CERS2: variants seen among roughly 807,000 people sequenced by gnomAD.
CERS2 encodes the protein LAG1 homolog, ceramide synthase 2.
In CERS2, 20 loss-of-function variants were observed where a neutral mutation model predicts 56.6. The observed-to-expected ratio is 0.35, with a 90% CI of 0.25 to 0.51. The LOEUF (loss-of-function observed/expected upper bound fraction) is 0.51. Ranked by LOEUF, CERS2 falls within the 20% of genes least tolerant of loss-of-function variation. The pLI is 0.96. For missense variants in CERS2, 361 were observed against 488.6 expected (o/e 0.74, Z 2.46); for synonymous variants, 187 against 175.4 (o/e 1.07, Z -0.52).
intron 1 of CERS2, among the ~76,000 whole-genome samples, chr1:150,973,683 C>T (rs1331843147): frequency 6.6e-6 from 1 of 152,248 alleles, no homozygotes; most frequent in Middle Eastern, 3.2e-3. Flanking sequence ...CCGCCACCCA[C>T]CCCTGCCCCA....
chr1:150,969,957 G>A (rs960552989), intron 1 of CERS2, among the ~76,000 whole-genome samples: 8 of 152,160 alleles, frequency 5.3e-5, no homozygotes. Flanking sequence ...AGGCTGGGCA[G>A]TAGCTCACGC....
intron 1 of CERS2, among the ~76,000 whole-genome samples, chr1:150,969,916 A>G (rs965681343): frequency 6.6e-6 from 1 of 152,172 alleles, no homozygotes; most frequent in Admixed American, 6.5e-5. Flanking sequence ...TCTGAGTAGC[A>G]AGTCCCTAAA....
Position 150,968,071 on chromosome 1 carries a change from A to G in CERS2, c.410+12T>C. The G allele has an allele frequency of 6.2e-7, 1 of 1,607,618 alleles. No individual in the cohort carries two copies. The highest frequency in any genetic ancestry group is 8.5e-7 in the Non-Finnish European group (1 of 1,177,764). ...TTCCTTGTCACCCAGCTTCTGCCCC[A>G]GCCTCCCCCACCTGGCTTCTCGGAA... On this transcript the variant is annotated intron_variant, in intron 4 of 10. Coordinates refer to ENST00000368954, the MANE Select transcript of CERS2 (RefSeq NM_022075.5).
At chr1:150,970,409 G>T (rs960498038) in intron 1 of CERS2, among the ~76,000 whole-genome samples, 1 of 152,158 alleles carries the variant, frequency 6.6e-6, no homozygotes, top group Admixed American at 6.5e-5. Context: ...AAAGAAAAGT[G>T]AAGGTAGGGC....
At chr1:150,972,055 T>C in intron 1 of CERS2, 1 of 387,612 alleles carries the variant, frequency 2.6e-6, no homozygotes, top group East Asian at 7.2e-5. Context: ...GAATGTCTCA[T>C]GCCTGCAAAA....
chr1:150,969,368 G>C (rs1358871436), intron 1 of CERS2: 5 of 363,694 alleles, frequency 1.4e-5, no homozygotes, highest in African/African-American at 6.2e-5. Flanking sequence ...GAGGTCAGGA[G>C]TTCGAGACCA....
intron 7 of CERS2, 72 bp downstream of exon 7, chr1:150,967,320 T>C: frequency 1.4e-6 from 2 of 1,428,782 alleles, no homozygotes; most frequent in Non-Finnish European, 2.0e-6. Flanking sequence ...TACCCAGAAG[T>C]CAAAGGAGAG....
Position 150,967,895 on chromosome 1 carries a change from A to G in CERS2, c.411-18T>C. ...ATCTCCAGCTGGCAGAGGAAGCAGA[A>G]ATGGCTAGGTCAGAGGATAGCACAG... On this transcript the variant is annotated intron_variant, in intron 4 of 10. Coordinates refer to ENST00000368954, the MANE Select transcript of CERS2 (RefSeq NM_022075.5). The G allele has an allele frequency of 3.7e-6, 6 of 1,604,232 alleles. No homozygotes were observed. The highest frequency in any genetic ancestry group is 5.1e-6 in the Non-Finnish European group (6 of 1,171,414).
intron 1 of CERS2, among the ~76,000 whole-genome samples, chr1:150,971,057 G>C (rs1269172475): frequency 6.6e-6 from 1 of 152,192 alleles, no homozygotes; most frequent in Non-Finnish European, 1.5e-5. Flanking sequence ...GATGGTCCAG[G>C]AGAGCCAGGG....
Position 150,965,957 on chromosome 1 carries a change from C to G in CERS2, c.*191G>C. 1 of 573,878 alleles carries G rather than the reference C, an allele frequency of 1.7e-6. No homozygotes were observed. The highest frequency in any genetic ancestry group is 3.0e-6 in the Non-Finnish European group (1 of 336,412). The allele number at this position is 573,878 out of a possible 1,614,324, so 35.5% of individuals were successfully genotyped here. A position where few individuals can be genotyped will look rare whatever the true frequency, so the allele number is the denominator to read the frequency against. On this transcript the variant is annotated 3_prime_UTR_variant, in exon 11 of 11. Coordinates refer to ENST00000368954, the MANE Select transcript of CERS2 (RefSeq NM_022075.5). ...CCTCTAACAGAATATAACCAACGTC[C>G]CCCTACCTGGGGATAGGCTGGTTAG...
intron 8 of CERS2, 31 bp from the exon 9 acceptor site, chr1:150,966,893 G>A: frequency 6.5e-7 from 1 of 1,534,468 alleles, no homozygotes; most frequent in Non-Finnish European, 9.0e-7. Flanking sequence ...CATCATCATG[G>A]GCTCCTGACT....
At chr1:150,967,531 C>T (rs1377533250) in intron 6 of CERS2, 47 bp from the exon 7 acceptor site, 2 of 1,393,748 alleles carry the variant, frequency 1.4e-6, no homozygotes, top group Non-Finnish European at 2.0e-6. Flanking sequence ...AAGGGTGTCC[C>T]CACTCCACAA....
At position 150,967,474 on chromosome 1, in the gene CERS2, G is replaced by A. The variant is rs1671055722; in HGVS notation, c.530C>T (p.Pro177Leu). The A allele has an allele frequency of 6.3e-7, 1 of 1,584,428 alleles. No homozygotes were observed. Among genetic ancestry groups the A allele is most frequent in the African/African-American group, 1.3e-5 (1 of 74,354 alleles). ...AATCATGTAGTACCAATACTGGGAA[G>A]GGATAGTGCTCTGGGAGAGGAGAGA... ...WEGYPIQSTI[P>L]SQYWYYMIEL... Residue 177 changes from proline (P) to leucine (L), a missense_variant, in exon 7 of 11, where the codon CCT (proline) becomes CTT (leucine). Coordinates refer to ENST00000368954, the MANE Select transcript of CERS2 (RefSeq NM_022075.5).
Position 150,967,651 on chromosome 1 carries a change from G to A in CERS2, c.519+13C>T, listed in dbSNP as rs200270203. 8 of 1,608,802 alleles carry A rather than the reference G, an allele frequency of 5.0e-6. No individual in the cohort carries two copies. Among genetic ancestry groups the A allele is most frequent in the African/African-American group, 2.7e-5 (2 of 74,924 alleles). ...TCTTAGTCCACCCCCACATGAGGAA[G>A]CAGAACTCATACCTGTATGGGATAT... is the stretch of plus-strand genomic sequence containing the variant. On this transcript the variant is annotated intron_variant, in intron 6 of 10. Coordinates refer to ENST00000368954, the MANE Select transcript of CERS2 (RefSeq NM_022075.5).
intron 1 of CERS2, among the ~76,000 whole-genome samples, chr1:150,969,725 C>T (rs1399696138): frequency 6.6e-6 from 1 of 152,116 alleles, no homozygotes; most frequent in Non-Finnish European, 1.5e-5. Flanking sequence ...GCAAGACAGG[C>T]AGGACCTGGC....
rs1670990277 is a variant in CERS2, at chr1:150,965,743, G to A, written c.*405C>T. On this transcript the variant is annotated 3_prime_UTR_variant, in exon 11 of 11. Coordinates refer to ENST00000368954, the MANE Select transcript of CERS2 (RefSeq NM_022075.5). ...CCTTGGTCCAGCTTTGGCAGAATGA[G>A]GCCCACAGATGGGACAATAAGGCAC... is the stretch of plus-strand genomic sequence containing the variant. 2 of 162,534 alleles carry A rather than the reference G, an allele frequency of 1.2e-5. No homozygotes were observed. The highest frequency in any genetic ancestry group is 6.4e-5 in the Admixed American group (1 of 15,546). 10.1% of individuals were successfully genotyped at this position (162,534 alleles called of 1,614,324 possible).
chr1:150,967,013 A>T (rs1447415793), intron 8 of CERS2, 61 bp downstream of exon 8: 11 of 1,593,680 alleles, frequency 6.9e-6, no homozygotes, highest in Non-Finnish European at 9.4e-6. Context: ...CCTCCCTCCC[A>T]AAGAAAACCA....
At chr1:150,971,440 G>GTC (rs1224881508) in intron 1 of CERS2, among the ~76,000 whole-genome samples, 1 of 150,190 alleles carries the variant, frequency 6.7e-6, no homozygotes, top group East Asian at 2.0e-4. Context: ...TTACCCCCTT[G>GTC]TCCCCACTCC....
chr1:150,968,257 C>G (rs1170080759), intron 3 of CERS2, 56 bp from the exon 4 acceptor site: 29 of 1,537,856 alleles, frequency 1.9e-5, no homozygotes, highest in Non-Finnish European at 2.6e-5. Flanking sequence ...CAGCAGCATC[C>G]CCAGCCTCTC....
Sources: gnomAD v4.1 joint callset for allele counts (sites outside exome capture counted in the v4.1 genomes callset) on GRCh38, gnomAD v4.1.1 for gene constraint, MANE v1.5 for transcripts, NCBI Gene and HGNC (gene_info 2026-07-23, HGNC 2026-07-21) for gene names.